The following ELOVL6 variants were observed in gnomAD, a reference collection of about 807,000 sequenced individuals.
ELOVL6 encodes the protein ELOVL fatty acid elongase 6, also known as very long chain fatty acid elongase 6.
ELOVL6 carries 8 observed loss-of-function variants against 31.7 expected under a neutral mutation model. The observed-to-expected ratio is 0.25, with a 90% CI of 0.15 to 0.45. The LOEUF is 0.45. ELOVL6 is among the 20% of genes least tolerant of loss of function. The pLI, the probability that ELOVL6 is intolerant of heterozygous loss-of-function variation, is 1.00. For synonymous variants in ELOVL6, 101 were observed against 117.7 expected, an observed-to-expected ratio of 0.86 and a Z score of 0.92; for missense variants, 126 against 326.4, an observed-to-expected ratio of 0.39 and a Z score of 4.73.
At chr4:110,088,414 G>A (rs1756330654) in intron 2 of ELOVL6, among the ~76,000 whole-genome samples, 1 of 152,136 alleles carries the variant, frequency 6.6e-6, no homozygotes, top group Non-Finnish European at 1.5e-5. Flanking sequence ...ACACATTTCT[G>A]TTCATGTCTT....
At chr4:110,132,260 G>A (rs970736896) in intron 1 of ELOVL6, among the ~76,000 whole-genome samples, 5 of 152,110 alleles carry the variant, frequency 3.3e-5, no homozygotes, top group Admixed American at 2.6e-4. Flanking sequence ...GATGGGAGGG[G>A]TATGAGTAAC....
At chr4:110,058,613 T>G (rs1017030584) in intron 3 of ELOVL6, among the ~76,000 whole-genome samples, 7 of 152,036 alleles carry the variant, frequency 4.6e-5, no homozygotes, top group African/African-American at 1.4e-4. Context: ...AGGTGGTTTG[T>G]AAGGAAAGTA....
chr4:110,166,376 G>C (rs1486033994), intron 1 of ELOVL6, among the ~76,000 whole-genome samples: 1 of 152,104 alleles, frequency 6.6e-6, no homozygotes, highest in Non-Finnish European at 1.5e-5. Context: ...ACTTTGGGAG[G>C]CCAAGGCAGG....
At chr4:110,057,679 C>A (rs370441057) in intron 3 of ELOVL6, among the ~76,000 whole-genome samples, 67 of 151,668 alleles carry the variant, frequency 4.4e-4, no homozygotes, top group African/African-American at 1.5e-3. Context: ...GGTGAAACCC[C>A]GTCTCTACTA....
At chr4:110,090,516 C>T (rs566645252) in intron 2 of ELOVL6, among the ~76,000 whole-genome samples, 2 of 151,488 alleles carry the variant, frequency 1.3e-5, no homozygotes, top group East Asian at 1.9e-4. Flanking sequence ...CCTGGGCATG[C>T]AGGAACACAA....
chr4:110,103,865 T>C (rs1756817716), intron 2 of ELOVL6, among the ~76,000 whole-genome samples: 1 of 152,220 alleles, frequency 6.6e-6, no homozygotes, highest in South Asian at 2.1e-4. Flanking sequence ...AATTTGAAAT[T>C]TAATAAGAAC....
At chr4:110,111,358 C>CTTTTTTTT (rs3033269) in intron 1 of ELOVL6, among the ~76,000 whole-genome samples, 1 of 144,894 alleles carries the variant, frequency 6.9e-6, no homozygotes, top group Non-Finnish European at 1.5e-5. Flanking sequence ...CTTAGAATTC[C>CTTTTTTTT]TTTTTTTTTT....
chr4:110,056,894 G>T (rs1044897518), intron 3 of ELOVL6, among the ~76,000 whole-genome samples: 3 of 152,100 alleles, frequency 2.0e-5, no homozygotes, highest in African/African-American at 4.8e-5. Flanking sequence ...ATGGACATTT[G>T]GGCCTGGATT....
intron 2 of ELOVL6, among the ~76,000 whole-genome samples, chr4:110,077,355 A>C (rs1359679641): frequency 2.0e-5 from 3 of 152,148 alleles, no homozygotes. Context: ...GGACAGACTG[A>C]CACCTCACAC....
At chr4:110,113,191 G>A (rs1473827590) in intron 1 of ELOVL6, among the ~76,000 whole-genome samples, 1 of 146,404 alleles carries the variant, frequency 6.8e-6, no homozygotes, top group Non-Finnish European at 1.5e-5. Flanking sequence ...TTGTGCCACT[G>A]CACTCCAGCC....
intron 1 of ELOVL6, among the ~76,000 whole-genome samples, chr4:110,143,607 C>T (rs548021959): frequency 6.6e-6 from 1 of 151,984 alleles, no homozygotes; most frequent in East Asian, 1.9e-4. Flanking sequence ...TGTGTTTCTA[C>T]ATACAGACCT....
rs116081620 is a variant in ELOVL6, at chr4:110,140,974, G to A, written c.90-35346C>T. Among the ~76,000 whole-genome samples, 750 of 152,144 alleles carry A rather than the reference G, an allele frequency of 4.9e-3. 10 individuals carry two copies. Among genetic ancestry groups the A allele is most frequent in the African/African-American group, 0.017 (710 of 41,524 alleles). ...TGGCTGGGGAGGCCTCACAATCACG[G>A]CAGCTTACGGGATTGTTGAGAAATG... On this transcript the variant is annotated intron_variant, in intron 1 of 3. Coordinates refer to ENST00000302274, the MANE Select transcript of ELOVL6 (RefSeq NM_024090.3).
intron 2 of ELOVL6, among the ~76,000 whole-genome samples, chr4:110,091,097 T>C (rs1322401742): frequency 2.0e-5 from 3 of 152,212 alleles, no homozygotes; most frequent in Non-Finnish European, 4.4e-5. Context: ...AGGCAGAAGA[T>C]GTTTGTTTGC....
intron 1 of ELOVL6, chr4:110,118,051 T>A (rs1578493997): frequency 7.6e-6 from 1 of 132,392 alleles, no homozygotes; most frequent in Non-Finnish European, 1.7e-5. Flanking sequence ...CTCCGCCTCC[T>A]GGGTTCAAGT....
At chr4:110,092,074 A>G (rs1046632738) in intron 2 of ELOVL6, among the ~76,000 whole-genome samples, 3 of 152,160 alleles carry the variant, frequency 2.0e-5, no homozygotes, top group African/African-American at 7.2e-5. Context: ...AAATTTTTGA[A>G]ACACATGCTA....
intron 2 of ELOVL6, among the ~76,000 whole-genome samples, chr4:110,102,749 A>G (rs1418533042): frequency 6.6e-6 from 1 of 152,038 alleles, no homozygotes; most frequent in African/African-American, 2.4e-5. Flanking sequence ...AAAGACTTAA[A>G]TATAAGAACT....
intron 1 of ELOVL6, among the ~76,000 whole-genome samples, chr4:110,196,631 C>A (rs1335139882): frequency 6.6e-6 from 1 of 152,214 alleles, no homozygotes; most frequent in Non-Finnish European, 1.5e-5. Flanking sequence ...AGCCCTGTGC[C>A]TGTGTGGCTG....
At chr4:110,196,729 C>A (rs900676562) in intron 1 of ELOVL6, among the ~76,000 whole-genome samples, 3 of 152,186 alleles carry the variant, frequency 2.0e-5, no homozygotes, top group South Asian at 2.1e-4. Flanking sequence ...CCCTAGCCCA[C>A]CGCCGCCACC....
chr4:110,174,858 G>T (rs1345848512), intron 1 of ELOVL6, among the ~76,000 whole-genome samples: 1 of 152,078 alleles, frequency 6.6e-6, no homozygotes, highest in East Asian at 1.9e-4. Context: ...TGCACTAAAT[G>T]AACAACCTAA....
Sources: allele counts gnomAD v4.1 joint callset (sites outside exome capture counted in the v4.1 genomes callset), GRCh38; gene constraint gnomAD v4.1.1; transcripts MANE v1.5; gene names NCBI Gene and HGNC (gene_info 2026-07-23, HGNC 2026-07-21).